The following PDE4D variants were observed in gnomAD, a reference collection of about 807,000 sequenced individuals.
PDE4D encodes the protein phosphodiesterase 4D.
PDE4D carries 24 observed loss-of-function variants against 87.4 expected under a neutral mutation model. That is an observed-to-expected ratio of 0.27 (90% CI 0.20 to 0.39). PDE4D has a LOEUF of 0.39. Ranked by LOEUF, PDE4D falls within the 10% of genes least tolerant of loss-of-function variation. The pLI, the probability that PDE4D is intolerant of heterozygous loss-of-function variation, is 1.00. For synonymous variants in PDE4D, 384 were observed against 383.2 expected, an observed-to-expected ratio of 1.00 and a Z score of -0.02; for missense variants, 714 against 1,041.0, an observed-to-expected ratio of 0.69 and a Z score of 4.32.
intron 1 of PDE4D, among the ~76,000 whole-genome samples, chr5:59,859,885 T>G (rs73761021): frequency 0.01 from 1,550 of 152,274 alleles, 34 homozygotes; most frequent in African/African-American, 0.035. Context: ...GTTTACAAAT[T>G]GGTCCTCTAA....
intron 1 of PDE4D, among the ~76,000 whole-genome samples, chr5:59,622,160 C>T (rs181691081): frequency 3.8e-4 from 58 of 152,180 alleles, no homozygotes; most frequent in Non-Finnish European, 6.9e-4. Flanking sequence ...TTCCGCTACA[C>T]TATTTTCTTT....
In PDE4D at chr5:59,332,231, T is replaced by C. The variant is rs181358687; in HGVS notation, c.456-116263A>G. Among the ~76,000 whole-genome samples, 455 of 152,080 alleles carry C rather than the reference T, an allele frequency of 3.0e-3. 4 individuals are homozygous for C. The highest frequency in any genetic ancestry group is 0.011 in the African/African-American group (437 of 41,496). On this transcript the variant is annotated intron_variant, in intron 1 of 14. Coordinates refer to ENST00000340635, the MANE Select transcript of PDE4D (RefSeq NM_001104631.2). ...TTTGATGACCAATGGTCAGTGATGG[T>C]TTTTTTTGGTTATTTTTCTTCCCAA...
intron 5 of PDE4D, among the ~76,000 whole-genome samples, chr5:59,114,235 A>T (rs2153441021): frequency 6.6e-6 from 1 of 152,304 alleles, no homozygotes; most frequent in African/African-American, 2.4e-5. Context: ...GATCCCTTTA[A>T]ATATATACAA....
At chr5:60,121,697 G>C (rs922318934) in intron 2 of PDE4D, among the ~76,000 whole-genome samples, 5 of 151,994 alleles carry the variant, frequency 3.3e-5, no homozygotes, top group Non-Finnish European at 7.4e-5. Context: ...ATTTGGGTGG[G>C]GACACGGAGC....
chr5:60,367,864 C>T (rs1381232423), intron 1 of PDE4D, among the ~76,000 whole-genome samples: 1 of 152,162 alleles, frequency 6.6e-6, no homozygotes, highest in East Asian at 1.9e-4. Flanking sequence ...CTAACATGAT[C>T]CCCTGCTTCC....
intron 1 of PDE4D, among the ~76,000 whole-genome samples, chr5:60,369,869 G>A (rs954001931): frequency 6.6e-5 from 10 of 152,148 alleles, no homozygotes; most frequent in African/African-American, 2.4e-4. Context: ...AGGTCATTCT[G>A]TGAGTGATAT....
intron 2 of PDE4D, chr5:60,127,549 G>T: frequency 2.2e-6 from 1 of 454,412 alleles, no homozygotes; most frequent in South Asian, 4.7e-5. Context: ...TAACTGGAAG[G>T]TGAAATCGAC....
intron 1 of PDE4D, among the ~76,000 whole-genome samples, chr5:60,185,850 CA>C (rs1427712312): frequency 6.7e-6 from 1 of 148,634 alleles, no homozygotes; most frequent in East Asian, 2.0e-4. Flanking sequence ...GCAACATTTC[CA>C]AAACAGCTTT....
At chr5:59,850,125 G>T (rs1332988820) in intron 1 of PDE4D, among the ~76,000 whole-genome samples, 1 of 151,944 alleles carries the variant, frequency 6.6e-6, no homozygotes, top group Non-Finnish European at 1.5e-5. Flanking sequence ...TCAAATGTCA[G>T]ATTTTCAACT....
chr5:59,429,390 C>T (rs1379867412), intron 1 of PDE4D, among the ~76,000 whole-genome samples: 1 of 152,140 alleles, frequency 6.6e-6, no homozygotes, highest in African/African-American at 2.4e-5. Context: ...AATCAGAAAG[C>T]TTTCTGAAGG....
intron 1 of PDE4D, among the ~76,000 whole-genome samples, chr5:59,854,733 T>G (rs1437441784): frequency 6.6e-6 from 1 of 152,046 alleles, no homozygotes; most frequent in Non-Finnish European, 1.5e-5. Context: ...ATTAATACAG[T>G]CACCCTATAT....
In PDE4D at chr5:59,985,136, TTGTTTTTTGTTTTTTA is replaced by T. The variant is rs1582043761; in HGVS notation, c.272+3336_272+3351del. On this transcript the variant is annotated intron_variant, in intron 3 of 16. Transcript: ENST00000502484. ...AACTTCACCTTTCGTTTTTTGTTTT[TTGTTTTTTGTTTTTTA>T]TTTTGAGACAGAGTCTCACTCTGTC... Among the ~76,000 whole-genome samples the T allele has an allele frequency of 6.1e-5, 7 of 113,932 alleles. 1 individual carries two copies. Among genetic ancestry groups the T allele is most frequent in the Admixed American group, 5.5e-4 (6 of 10,854 alleles). 74.7% of individuals were successfully genotyped at this position (113,932 alleles called of 152,430 possible). A position where few individuals can be genotyped will look rare whatever the true frequency, so the allele number is the denominator to read the frequency against.
chr5:59,701,536 A>C (rs1202593057), intron 1 of PDE4D, among the ~76,000 whole-genome samples: 4 of 152,242 alleles, frequency 2.6e-5, no homozygotes, highest in African/African-American at 9.6e-5. Flanking sequence ...ATTAATACTG[A>C]AAAGCAAATG....
chr5:60,341,462 C>A (rs1430915121), intron 1 of PDE4D, among the ~76,000 whole-genome samples: 1 of 152,188 alleles, frequency 6.6e-6, no homozygotes, highest in African/African-American at 2.4e-5. Context: ...TCAGTTCATG[C>A]TAACCCAGAA....
At chr5:59,236,393 A>G (rs1204660313) in intron 1 of PDE4D, among the ~76,000 whole-genome samples, 1 of 152,180 alleles carries the variant, frequency 6.6e-6, no homozygotes, top group Non-Finnish European at 1.5e-5. Flanking sequence ...ACTGCTACAT[A>G]TCACTTTGGA....
At chr5:59,872,296 CA>C (rs1225238676) in intron 1 of PDE4D, among the ~76,000 whole-genome samples, 1 of 139,070 alleles carries the variant, frequency 7.2e-6, no homozygotes, top group Non-Finnish European at 1.5e-5. Context: ...CACACACACA[CA>C]CACAAGAGCA....
intron 1 of PDE4D, among the ~76,000 whole-genome samples, chr5:59,726,150 C>T (rs541142442): frequency 7.9e-5 from 12 of 152,154 alleles, no homozygotes; most frequent in African/African-American, 2.6e-4. Flanking sequence ...ATATTAAATG[C>T]TTCTTTTCCC....
chr5:59,358,878 C>T (rs1781795197), intron 1 of PDE4D, among the ~76,000 whole-genome samples: 1 of 152,144 alleles, frequency 6.6e-6, no homozygotes, highest in African/African-American at 2.4e-5. Context: ...AACAGCATCA[C>T]TGATTTCTAA....
chr5:59,279,155 T>C (rs1765361257), intron 1 of PDE4D, among the ~76,000 whole-genome samples: 1 of 152,128 alleles, frequency 6.6e-6, no homozygotes, highest in East Asian at 1.9e-4. Context: ...TGAGCATATT[T>C]CTTAGAGCCA....
Sources: allele counts gnomAD v4.1 joint callset (sites outside exome capture counted in the v4.1 genomes callset), GRCh38; gene constraint gnomAD v4.1.1; transcripts MANE v1.5; gene names NCBI Gene and HGNC (gene_info 2026-07-23, HGNC 2026-07-21).